Variants in UFSP2 observed in about 807,000 individuals in gnomAD.
UFSP2 encodes the protein ufm1-specific protease 2.
Under a neutral mutation model 60.2 loss-of-function variants are expected in UFSP2, and 43 were observed. The ratio of observed to expected loss-of-function variants is 0.71; its 90% CI spans 0.56 to 0.92. The LOEUF (loss-of-function observed/expected upper bound fraction) is 0.92, where lower values mean the gene tolerates loss of function less well. Among genes scored for constraint, UFSP2 ranks in the 40% least tolerant of loss-of-function variants. UFSP2 has a pLI of 0.00. For missense variants in UFSP2, 520 were observed against 575.0 expected (o/e 0.90, Z 0.98); for synonymous variants, 183 against 195.1 (o/e 0.94, Z 0.52).
Position 185,413,782 on chromosome 4 carries a change from C to T in UFSP2, c.775G>A (p.Gly259Ser). The T allele has an allele frequency of 6.2e-7, 1 of 1,613,410 alleles. No homozygotes were observed. Among genetic ancestry groups the T allele is most frequent in the Non-Finnish European group, 8.5e-7 (1 of 1,179,648 alleles). ...TAAGTATGTGGATTTCTAATGTAAC[C>T]ATCTTTGTATGGCTCATCTGGAAAG... is the stretch of plus-strand genomic sequence containing the variant. ...YHFPDEPYKD[G>S]YIRNPHTYLN... The change falls in exon 7 of 12, where the codon GGT becomes AGT. Residue 259 changes from glycine to serine, a missense_variant. Transcript: ENST00000264689.
chr4:185,402,679 T>C (rs987006106), intron 11 of UFSP2, among the ~76,000 whole-genome samples: 9 of 152,210 alleles, frequency 5.9e-5, no homozygotes, highest in African/African-American at 2.2e-4. Flanking sequence ...TTTCACCATG[T>C]TGGCCAGGCT....
chr4:185,399,676 G>C lies in UFSP2; in HGVS notation c.*716C>G. The C allele has an allele frequency of 1.2e-6, 2 of 1,614,148 alleles. No individual in the cohort carries two copies. The highest frequency in any genetic ancestry group is 8.5e-7 in the Non-Finnish European group (1 of 1,180,034). On this transcript the variant is annotated 3_prime_UTR_variant, in exon 12 of 12. Coordinates refer to ENST00000264689, the MANE Select transcript of UFSP2 (RefSeq NM_018359.5). ...AATTAAATGTATGCAGACAATAAAAGCAAGTGAACACCCTGACAGGAATGA... is the reference window on the plus strand; with the variant it reads ...AATTAAATGTATGCAGACAATAAAACCAAGTGAACACCCTGACAGGAATGA...
intron 2 of UFSP2, among the ~76,000 whole-genome samples, chr4:185,420,726 G>A (rs1030114719): frequency 2.6e-5 from 4 of 152,158 alleles, no homozygotes; most frequent in African/African-American, 9.7e-5. Context: ...AAAAAAAACT[G>A]TGAAGCCTTT....
intron 7 of UFSP2, among the ~76,000 whole-genome samples, chr4:185,409,549 A>G (rs71624703): frequency 6.6e-6 from 1 of 152,062 alleles, no homozygotes; most frequent in Non-Finnish European, 1.5e-5. Flanking sequence ...GATAGAACCA[A>G]CCCTCACCCA....
intron 6 of UFSP2, 72 bp from the exon 7 acceptor site, chr4:185,413,944 T>C (rs2095534044): frequency 1.5e-6 from 2 of 1,367,428 alleles, no homozygotes; most frequent in Non-Finnish European, 2.0e-6. Flanking sequence ...TAAATAAAGA[T>C]GTTATTAAAC....
chr4:185,423,703 T>C (rs758093840), intron 1 of UFSP2, among the ~76,000 whole-genome samples: 3 of 152,170 alleles, frequency 2.0e-5, no homozygotes, highest in African/African-American at 4.8e-5. Flanking sequence ...CTTGGATCCA[T>C]ATACTGTTTC....
chr4:185,425,749 G>T lies in UFSP2; in HGVS notation c.3+117C>A, dbSNP rs927480097. The T allele has an allele frequency of 4.1e-6, 6 of 1,467,662 alleles. No individual in the cohort carries two copies. The African/African-American group carries it at 8.4e-5, about 20-fold the overall frequency. The allele number at this position is 1,467,662 out of a possible 1,614,324, so 90.9% of individuals were successfully genotyped here. A position where few individuals can be genotyped will look rare whatever the true frequency, so the allele number is the denominator to read the frequency against. On this transcript the variant is annotated intron_variant, in intron 1 of 11. Coordinates refer to ENST00000264689, the MANE Select transcript of UFSP2 (RefSeq NM_018359.5). ...AGCCGCCCTGCCCACGCAGCTCGCA[G>T]CTGCCATCTTGGACCCCGGCAGGAC...
In UFSP2 at chr4:185,413,843, G is replaced by A. The variant is rs773020299; in HGVS notation, c.714C>T (p.His238=). ...TAGACCTTTTGAAATAGGGTCTGTC[G>A]TGAGGCAGATTGAAAAGATCATGTA... ...KELHDLFNLP[H]DRPYFKRSNA... The change falls in exon 7 of 12, where the codon CAC becomes CAT. Residue 238 remains histidine, a synonymous_variant. Coordinates refer to ENST00000264689, the MANE Select transcript of UFSP2 (RefSeq NM_018359.5). 13 of 1,610,282 alleles carry A rather than the reference G, an allele frequency of 8.1e-6. No homozygotes were observed. The highest frequency in any genetic ancestry group is 5.4e-5 in the African/African-American group (4 of 74,736).
chr4:185,399,861 G>C lies in UFSP2; in HGVS notation c.*531C>G, dbSNP rs1475776700. 6.4e-7 allele frequency: 1 copy of C among 1,564,424 alleles called. No homozygotes were observed. The highest frequency in any genetic ancestry group is 1.4e-5 in the African/African-American group (1 of 73,386). On this transcript the variant is annotated 3_prime_UTR_variant, in exon 12 of 12. Coordinates refer to ENST00000264689, the MANE Select transcript of UFSP2 (RefSeq NM_018359.5). ...ATTATTCCATTTAATACTGACACTC[G>C]TATTTCTAGTAGTATTGTTTCATTC...
intron 1 of UFSP2, among the ~76,000 whole-genome samples, chr4:185,423,250 A>G (rs1308144592): frequency 6.6e-6 from 1 of 152,228 alleles, no homozygotes; most frequent in East Asian, 1.9e-4. Context: ...AATCTTTCCA[A>G]ATTATAATCT....
rs1207775714 is a variant in UFSP2, at chr4:185,418,651, T to C, written c.202A>G (p.Ile68Val). The part of the protein sequence containing the change: ...SSVYIWPSSD[I>V]NTIPGELTDA... ...GTCAGTTCTCCAGGAATGGTGTTTATGTCACTGCTAGGCCATATATACACT... is the reference window on the plus strand; with the variant it reads ...GTCAGTTCTCCAGGAATGGTGTTTACGTCACTGCTAGGCCATATATACACT... The change falls in exon 3 of 12, where the codon ATA (isoleucine) becomes GTA (valine). Residue 68 changes from isoleucine to valine, a missense_variant. Ile to Val is a conservative substitution (Grantham distance 29). Transcript: ENST00000264689. 1 of 1,614,048 alleles carries C rather than the reference T, an allele frequency of 6.2e-7. No homozygotes were observed. Among genetic ancestry groups the C allele is most frequent in the Admixed American group, 1.7e-5 (1 of 60,024 alleles).
intron 5 of UFSP2, 104 bp from the exon 6 acceptor site, chr4:185,415,451 AC>A: frequency 9.7e-7 from 1 of 1,030,086 alleles, no homozygotes; most frequent in Non-Finnish European, 1.4e-6. Flanking sequence ...ACTTGATTGG[AC>A]CAGGTTTGCT....
intron 4 of UFSP2, 83 bp from the exon 5 acceptor site, chr4:185,415,950 G>A: frequency 8.3e-7 from 1 of 1,207,634 alleles, no homozygotes; most frequent in Non-Finnish European, 1.1e-6. Flanking sequence ...TTTCAAAAAT[G>A]TATTTATTAT....
intron 2 of UFSP2, 118 bp downstream of exon 2, chr4:185,422,367 T>C (rs2095550951): frequency 3.9e-6 from 3 of 775,580 alleles, no homozygotes; most frequent in Middle Eastern, 3.3e-4. Flanking sequence ...ATGTACTTAC[T>C]AACAATATAA....
Position 185,399,664 on chromosome 4 carries a change from C to G in UFSP2, c.*728G>C, listed in dbSNP as rs2095510695. The G allele has an allele frequency of 6.2e-7, 1 of 1,613,990 alleles. No homozygotes were observed. Among genetic ancestry groups the G allele is most frequent in the Non-Finnish European group, 8.5e-7 (1 of 1,180,024 alleles). On this transcript the variant is annotated 3_prime_UTR_variant, in exon 12 of 12. Transcript: ENST00000264689. ...GTTTCTTACAACAATTAAATGTATG[C>G]AGACAATAAAAGCAAGTGAACACCC...
At chr4:185,408,512 G>C in intron 7 of UFSP2, 77 bp from the exon 8 acceptor site, 2 of 1,417,998 alleles carry the variant, frequency 1.4e-6, no homozygotes, top group South Asian at 2.6e-5. Context: ...CCCGAATTAT[G>C]TTTAATGTTC....
At chr4:185,403,463 T>C in intron 11 of UFSP2, 31 bp downstream of exon 11, 1 of 1,604,484 alleles carries the variant, frequency 6.2e-7, no homozygotes, top group African/African-American at 1.3e-5. Flanking sequence ...TCTTTGCCTT[T>C]TGTCTCAATT....
At chr4:185,419,276 T>C (rs1313040246) in intron 2 of UFSP2, among the ~76,000 whole-genome samples, 1 of 151,926 alleles carries the variant, frequency 6.6e-6, no homozygotes, top group South Asian at 2.1e-4. Context: ...GGACTACAGG[T>C]GCCCGCCACC....
intron 1 of UFSP2, 99 bp downstream of exon 1, chr4:185,425,767 G>C: frequency 3.9e-6 from 6 of 1,533,318 alleles, no homozygotes; most frequent in Middle Eastern, 1.7e-4. Context: ...CTTGGACCCC[G>C]GCAGGACCAG....
Sources: gnomAD v4.1 joint callset for allele counts (sites outside exome capture counted in the v4.1 genomes callset) on GRCh38, gnomAD v4.1.1 for gene constraint, MANE v1.5 for transcripts, NCBI Gene and HGNC (gene_info 2026-07-23, HGNC 2026-07-21) for gene names.